Variants in AFDN observed in about 807,000 individuals in gnomAD.
AFDN encodes the protein afadin.
Under a neutral mutation model 216.6 loss-of-function variants are expected in AFDN, and 68 were observed. The ratio of observed to expected loss-of-function variants is 0.31; its 90% CI spans 0.26 to 0.38. AFDN has a LOEUF of 0.38. Among genes scored for constraint, AFDN ranks in the 10% least tolerant of loss-of-function variants. The probability of loss-of-function intolerance (pLI) is 1.00; values close to 1 mark genes in which losing one functional copy is unlikely to be tolerated. For synonymous variants in AFDN, 868 were observed against 853.7 expected, an observed-to-expected ratio of 1.02 and a Z score of -0.29; for missense variants, 2,136 against 2,342.0, an observed-to-expected ratio of 0.91 and a Z score of 1.82.
chr6:167,961,530 G>A lies in AFDN; in HGVS notation c.4834-903G>A, dbSNP rs561742282. On this transcript the variant is annotated intron_variant, in intron 30 of 33. Coordinates refer to ENST00000683244, the MANE Select transcript of AFDN (RefSeq NM_001386888.1). ...CAGAAGGATAAAGGAGCTAAAAATT[G>A]AAAAGAAGGGACTTAGGTATTTGAA... is the stretch of plus-strand genomic sequence containing the variant. Among the ~76,000 whole-genome samples, 194 of 152,318 alleles carry A rather than the reference G, an allele frequency of 1.3e-3. 2 individuals are homozygous for A. The highest frequency in any genetic ancestry group is 4.5e-3 in the African/African-American group (187 of 41,562).
rs1187786065 is a variant in AFDN, at chr6:167,969,183, A to G, written c.5327A>G (p.Glu1776Gly). The change falls in exon 33 of 34, where the codon GAG (glutamate) becomes GGG (glycine). Residue 1776 changes from glutamate (E) to glycine (G), a missense_variant. By Grantham distance (98) the Glu-to-Gly change is moderately conservative. Coordinates refer to ENST00000683244, the MANE Select transcript of AFDN (RefSeq NM_001386888.1). ...CATGACGCCTGTCGGGATGCAAAAG[A>G]GAAGCGCTCTAAAAGGTATGGACGG... ...GAHDACRDAK[E>G]KRSKSQDADS... 1 of 1,613,728 alleles carries G rather than the reference A, an allele frequency of 6.2e-7. No homozygotes were observed. Among genetic ancestry groups the G allele is most frequent in the African/African-American group, 1.3e-5 (1 of 74,918 alleles).
chr6:167,846,422 G>A (rs1260759731), intron 1 of AFDN, among the ~76,000 whole-genome samples: 3 of 151,942 alleles, frequency 2.0e-5, no homozygotes, highest in Admixed American at 2.0e-4. Flanking sequence ...AACTATAGGG[G>A]TGTTTTTTTC....
chr6:167,901,504 T>A (rs1350567584), intron 11 of AFDN, among the ~76,000 whole-genome samples: 1 of 152,216 alleles, frequency 6.6e-6, no homozygotes, highest in Non-Finnish European at 1.5e-5. Flanking sequence ...GAAGAATCAG[T>A]TTAAACTAGG....
At position 167,881,435 on chromosome 6, in the gene AFDN, T is replaced by C. The variant is rs532994472; in HGVS notation, c.897+918T>C. ...GAGAGATGAGATGACAAGAGATTAG[T>C]CTGTGGAATTTTGCAGATGTAAATG... is the stretch of plus-strand genomic sequence containing the variant. On this transcript the variant is annotated intron_variant, in intron 6 of 33. Coordinates refer to ENST00000683244, the MANE Select transcript of AFDN (RefSeq NM_001386888.1). 1.4e-4 allele frequency among the ~76,000 whole-genome samples: 22 copies of C among 152,272 alleles called. No individual in the cohort carries two copies. In the South Asian group the frequency reaches 4.6e-3, roughly 32 times the overall value.
At chr6:167,946,274 AAGG>A (rs765294375) in intron 26 of AFDN, among the ~76,000 whole-genome samples, 49 of 152,360 alleles carry the variant, frequency 3.2e-4, no homozygotes, top group Non-Finnish European at 3.1e-4. Flanking sequence ...AGCAAGCAAA[AAGG>A]AGGAGAACTG....
At chr6:167,946,562 T>C in intron 26 of AFDN, 145 bp from the exon 27 acceptor site, 2 of 626,826 alleles carry the variant, frequency 3.2e-6, no homozygotes, top group Non-Finnish European at 2.6e-6. Flanking sequence ...GTATATTTAC[T>C]TAAAAGCTGT....
chr6:167,902,952 C>G (rs1789176707), intron 12 of AFDN, among the ~76,000 whole-genome samples: 1 of 152,108 alleles, frequency 6.6e-6, no homozygotes, highest in South Asian at 2.1e-4. Flanking sequence ...TCTCTAAGGC[C>G]AGGTTGAAGC....
chr6:167,952,272 T>G (rs376717497), intron 30 of AFDN, 85 bp downstream of exon 30: 23 of 1,602,298 alleles, frequency 1.4e-5, no homozygotes, highest in Non-Finnish European at 1.8e-5. Flanking sequence ...GCTAGGCCCC[T>G]GATCGTGATA....
intron 26 of AFDN, among the ~76,000 whole-genome samples, chr6:167,946,311 A>T (rs1795251571): frequency 6.6e-6 from 1 of 152,234 alleles, no homozygotes; most frequent in Non-Finnish European, 1.5e-5. Flanking sequence ...CCAGGAGCGG[A>T]AGGCTCACGT....
chr6:167,940,764 C>G (rs1397769407), intron 23 of AFDN, among the ~76,000 whole-genome samples: 2 of 6,342 alleles, frequency 3.2e-4, no homozygotes, highest in Non-Finnish European at 3.2e-4. Context: ...CCACAGGAGA[C>G]GTGTGGACAG....
Position 167,879,076 on chromosome 6 carries a change from T to C in AFDN, c.740-1284T>C, listed in dbSNP as rs184000324. Among the ~76,000 whole-genome samples, 1,064 of 152,308 alleles carry C rather than the reference T, an allele frequency of 7.0e-3. 16 individuals carry two copies. Among genetic ancestry groups the C allele is most frequent in the African/African-American group, 0.024 (1,011 of 41,558 alleles). The stretch of plus-strand genomic sequence containing the variant: ...CATCCTACTTCCCAACCACAGGATG[T>C]AAGCTGTTGAGGCAGGAATATCATC... On this transcript the variant is annotated intron_variant, in intron 5 of 33. Transcript: ENST00000683244.
intron 23 of AFDN, among the ~76,000 whole-genome samples, chr6:167,942,178 T>C (rs1794771525): frequency 1.3e-5 from 2 of 151,974 alleles, no homozygotes; most frequent in African/African-American, 4.8e-5. Context: ...ACTTGTTAAC[T>C]AAAGGGGACA....
At chr6:167,863,713 C>A (rs1276929422) in intron 1 of AFDN, 4 of 498,270 alleles carry the variant, frequency 8.0e-6, no homozygotes, top group African/African-American at 2.0e-5. Context: ...GGACATCCCA[C>A]AGTTGTGAGT....
chr6:167,882,541 C>T (rs912763974), intron 6 of AFDN, among the ~76,000 whole-genome samples: 1 of 151,654 alleles, frequency 6.6e-6, no homozygotes, highest in South Asian at 2.1e-4. Context: ...ATCCCAGCTA[C>T]TTGGGAGGTT....
Position 167,947,889 on chromosome 6 carries a change from C to T in AFDN, c.3590C>T (p.Ala1197Val), listed in dbSNP as rs1795514209. ...PPSPGGKSAY[A>V]SGTTAKITSV... ...AGTCCTGGAGGGAAAAGTGCATATG[C>T]CTCTGGAACAACAGCGAAGATAACA... The change falls in exon 28 of 34, where the codon GCC (alanine) becomes GTC (valine). Residue 1197 changes from alanine to valine, a missense_variant. Transcript: ENST00000683244. The T allele has an allele frequency of 1.2e-6, 2 of 1,613,786 alleles. No homozygotes were observed. Among genetic ancestry groups the T allele is most frequent in the Middle Eastern group, 1.6e-4 (1 of 6,084 alleles).
In AFDN at chr6:167,917,144, A is replaced by G. The variant is rs1791184743; in HGVS notation, c.2621A>G (p.Asn874Ser). ...KYAPDDIPNI[N>S]STCFKLNSLQ... ...GCACCTGATGACATTCCAAATATAAACAGCACCTGCTTTAAGTTAAATTCA... is the reference window on the plus strand; with the variant it reads ...GCACCTGATGACATTCCAAATATAAGCAGCACCTGCTTTAAGTTAAATTCA... Residue 874 changes from asparagine (N) to serine (S), a missense_variant, in exon 20 of 34, where the codon AAC becomes AGC. Around this residue, in one of 8 missense-constraint regions of AFDN, gnomAD observed 162 missense variants for 182.6 expected, o/e 0.89. Transcript: ENST00000683244. 1 of 1,613,050 alleles carries G rather than the reference A, an allele frequency of 6.2e-7. No individual in the cohort carries two copies. Among genetic ancestry groups the G allele is most frequent in the East Asian group, 2.2e-5 (1 of 44,858 alleles).
At chr6:167,833,190 G>A (rs1254596493) in intron 1 of AFDN, among the ~76,000 whole-genome samples, 2 of 152,176 alleles carry the variant, frequency 1.3e-5, no homozygotes, top group East Asian at 1.9e-4. Context: ...GGTGGAAGCA[G>A]GCTGAAAAGT....
intron 25 of AFDN, 129 bp downstream of exon 25, chr6:167,943,604 A>G (rs1437538631): frequency 1.4e-6 from 1 of 690,234 alleles, no homozygotes; most frequent in Non-Finnish European, 2.5e-6. Flanking sequence ...TTTATAGTGT[A>G]CGTGACATTT....
chr6:167,971,076 GAGA>G lies in AFDN; in HGVS notation c.*1142_*1144del. 4.5e-6 allele frequency: 1 copy of G among 220,620 alleles called. No homozygotes were observed. The highest frequency in any genetic ancestry group is 9.1e-6 in the Non-Finnish European group (1 of 110,224). The allele number at this position is 220,620 out of a possible 1,614,324, so 13.7% of individuals were successfully genotyped here. A position where few individuals can be genotyped will look rare whatever the true frequency, so the allele number is the denominator to read the frequency against. On this transcript the variant is annotated 3_prime_UTR_variant, in exon 34 of 34. Transcript: ENST00000683244. The stretch of plus-strand genomic sequence containing the variant: ...CTATGGATATGTGGCTGATGTTGGG[GAGA>G]CGGACCTCAGTGTGTTTTATATTGT...
Sources: gnomAD v4.1 joint callset for allele counts (sites outside exome capture counted in the v4.1 genomes callset) on GRCh38, gnomAD v4.1.1 for gene constraint, gnomAD v4.1.1 regional missense constraint, MANE v1.5 for transcripts, NCBI Gene and HGNC (gene_info 2026-07-23, HGNC 2026-07-21) for gene names.